The following F13B variants were observed in gnomAD, a reference collection of about 807,000 sequenced individuals.
F13B encodes TGase.
A neutral mutation model predicts 79.8 loss-of-function variants in F13B; 58 were observed. The observed-to-expected ratio is 0.73, with a 90% confidence interval of 0.59 to 0.90. F13B has a LOEUF of 0.90. F13B is among the 40% of genes least tolerant of loss of function. The pLI, the probability that F13B is intolerant of heterozygous loss-of-function variation, is 0.00. For missense variants in F13B, 773 were observed against 777.0 expected (o/e 0.99, Z 0.06); for synonymous variants, 283 against 260.3 (o/e 1.09, Z -0.84).
chr1:197,040,172 T>C (rs1571546416), intron 11 of F13B: 1 of 220,590 alleles, frequency 4.5e-6, no homozygotes, highest in Non-Finnish European at 9.0e-6. Flanking sequence ...TGCTTGAACT[T>C]ATATTGAGAA....
Position 197,039,289 on chromosome 1 carries a change from C to G in F13B, c.*89G>C, listed in dbSNP as rs17549873. The G allele has an allele frequency of 4.1e-3, 4,642 of 1,140,274 alleles. 89 individuals are homozygous for G. The African/African-American group carries it at 0.049, about 12-fold the overall frequency. 70.6% of individuals were successfully genotyped at this position (1,140,274 alleles called of 1,614,324 possible). A position where few individuals can be genotyped will look rare whatever the true frequency, so the allele number is the denominator to read the frequency against. On this transcript the variant is annotated 3_prime_UTR_variant, in exon 12 of 12. Coordinates refer to ENST00000367412, the MANE Select transcript of F13B (RefSeq NM_001994.3). ...CAAATATTTAAGCAAGGAAAAACTC[C>G]GAAGTTTTTAACTTATTTCCTCAAA...
chr1:197,044,990 C>G (rs1295840026), intron 10 of F13B, among the ~76,000 whole-genome samples: 2 of 152,112 alleles, frequency 1.3e-5, no homozygotes, highest in Admixed American at 6.6e-5. Flanking sequence ...ACCAGAATCT[C>G]TGGGACACAT....
At chr1:197,046,371 T>TA (rs1655230350) in intron 10 of F13B, among the ~76,000 whole-genome samples, 1 of 151,904 alleles carries the variant, frequency 6.6e-6, no homozygotes, top group Non-Finnish European at 1.5e-5. Flanking sequence ...ACATCAATAA[T>TA]AGACAAACAG....
intron 10 of F13B, among the ~76,000 whole-genome samples, chr1:197,045,035 A>C (rs1655177268): frequency 6.6e-6 from 1 of 152,190 alleles, no homozygotes; most frequent in Non-Finnish European, 1.5e-5. Flanking sequence ...TTATAGCACT[A>C]AATGCCCACA....
At position 197,049,332 on chromosome 1, in the gene F13B, G is replaced by A. The variant is rs17549720; in HGVS notation, c.1738+1365C>T. 6.4e-3 allele frequency among the ~76,000 whole-genome samples: 969 copies of A among 151,916 alleles called. 12 individuals are homozygous for A. The highest frequency in any genetic ancestry group is 0.022 in the African/African-American group (931 of 41,488). On this transcript the variant is annotated intron_variant, in intron 10 of 11. Transcript: ENST00000367412. The stretch of plus-strand genomic sequence containing the variant: ...CAACAAATGCAAATGTTGGTTTTTT[G>A]AAAACACTAATAAAATGTATAGACC...
intron 7 of F13B, among the ~76,000 whole-genome samples, chr1:197,056,600 CTACCCTAACTTTGCAGGACA>C (rs1320277821): frequency 6.6e-6 from 1 of 152,136 alleles, no homozygotes; most frequent in Non-Finnish European, 1.5e-5. Context: ...ACAGAATGCA[CTACCCTAACTTTGCAGGACA>C]TATGGGGAGA....
intron 10 of F13B, among the ~76,000 whole-genome samples, chr1:197,047,640 G>A (rs936950308): frequency 6.6e-6 from 1 of 152,002 alleles, no homozygotes; most frequent in South Asian, 2.1e-4. Flanking sequence ...CTCATTACTG[G>A]GTATATACCC....
chr1:197,057,553 C>A, intron 5 of F13B, 88 bp from the exon 6 acceptor site: 1 of 1,354,698 alleles, frequency 7.4e-7, no homozygotes, highest in Non-Finnish European at 1.0e-6. Flanking sequence ...TGTCAAGCAT[C>A]ATAGAGAGAA....
intron 1 of F13B, among the ~76,000 whole-genome samples, chr1:197,065,318 TTG>T (rs1258114991): frequency 7.2e-5 from 11 of 152,100 alleles, no homozygotes; most frequent in Admixed American, 2.0e-4. Context: ...CTGGAATGCC[TTG>T]GAGAATATGA....
chr1:197,062,838 A>G lies in F13B; in HGVS notation c.265+19T>C. 6.2e-7 allele frequency: 1 copy of G among 1,611,960 alleles called. No individual in the cohort carries two copies. The highest frequency in any genetic ancestry group is 8.5e-7 in the Non-Finnish European group (1 of 1,178,140). Reference sequence around the variant, plus strand: ...TCTTTGAGTATTGAAACATTGAGTGACATATCCAGCTGACTTACTGAAGCA... The same window carrying G: ...TCTTTGAGTATTGAAACATTGAGTGGCATATCCAGCTGACTTACTGAAGCA... On this transcript the variant is annotated intron_variant, in intron 2 of 11. Coordinates refer to ENST00000367412, the MANE Select transcript of F13B (RefSeq NM_001994.3).
At chr1:197,063,164 G>C in intron 1 of F13B, 107 bp from the exon 2 acceptor site, 1 of 897,504 alleles carries the variant, frequency 1.1e-6, no homozygotes, top group Non-Finnish European at 1.8e-6. Flanking sequence ...ACTTCAACTA[G>C]TACTTATTTT....
At chr1:197,064,790 A>T (rs991839545) in intron 1 of F13B, among the ~76,000 whole-genome samples, 2 of 152,184 alleles carry the variant, frequency 1.3e-5, no homozygotes, top group Non-Finnish European at 2.9e-5. Flanking sequence ...AAAGTCATAA[A>T]AACACTTAAA....
At chr1:197,052,103 C>T (rs17514324) in intron 9 of F13B, among the ~76,000 whole-genome samples, 46,088 of 152,050 alleles carry the variant, frequency 0.3, 8,809 homozygotes, top group Middle Eastern at 0.45. Context: ...TTGCCCATGC[C>T]TATGTCCTGA....
At chr1:197,041,046 G>A (rs1246723046) in intron 10 of F13B, among the ~76,000 whole-genome samples, 1 of 151,962 alleles carries the variant, frequency 6.6e-6, no homozygotes, top group African/African-American at 2.4e-5. Flanking sequence ...CAAACAAAAA[G>A]GTATTTGGGG....
At chr1:197,046,741 A>T (rs933922546) in intron 10 of F13B, among the ~76,000 whole-genome samples, 2 of 152,226 alleles carry the variant, frequency 1.3e-5, no homozygotes, top group Non-Finnish European at 2.9e-5. Flanking sequence ...TGGAGGCATC[A>T]GGCTACCTGA....
At position 197,045,190 on chromosome 1, in the gene F13B, A is replaced by T. The variant is rs557937353; in HGVS notation, c.1739-4455T>A. Reference sequence around the variant, plus strand: ...AACTGAAGGAAATAGAGACACAAAAAATCCCTTCAAAAAAATCAATGAATC... The same window carrying T: ...AACTGAAGGAAATAGAGACACAAAATATCCCTTCAAAAAAATCAATGAATC... On this transcript the variant is annotated intron_variant, in intron 10 of 11. Transcript: ENST00000367412. 2.6e-5 allele frequency among the ~76,000 whole-genome samples: 4 copies of T among 152,302 alleles called. No individual in the cohort carries two copies. The East Asian group carries it at 7.7e-4, about 29-fold the overall frequency.
At chr1:197,055,010 T>C (rs1469317139) in intron 8 of F13B, among the ~76,000 whole-genome samples, 6 of 152,072 alleles carry the variant, frequency 3.9e-5, no homozygotes, top group Admixed American at 2.6e-4. Flanking sequence ...TTAAATTACA[T>C]ATGTATATCT....
intron 10 of F13B, among the ~76,000 whole-genome samples, chr1:197,048,831 AAGT>A (rs17514355): frequency 0.77 from 116,163 of 151,660 alleles, 48,543 homozygotes; most frequent in East Asian, 0.98. Context: ...AACTTTTTTC[AAGT>A]ATGAAAAGAA....
Position 197,060,444 on chromosome 1 carries a change from C to T in F13B, c.727G>A (p.Glu243Lys). Residue 243 changes from glutamate to lysine, a missense_variant, in exon 5 of 12, where the codon GAA becomes AAA. Transcript: ENST00000367412. ...EGDVVQFFCH[E>K]NYYLSGSDLI... ...TCAGATCCACTTAGATAATAATTTT[C>T]ATGACAGAAAAACTGAACGACATCT... is the stretch of plus-strand genomic sequence containing the variant. The T allele has an allele frequency of 6.2e-7, 1 of 1,611,104 alleles. No individual in the cohort carries two copies. Among genetic ancestry groups the T allele is most frequent in the East Asian group, 2.2e-5 (1 of 44,696 alleles).
Sources: gnomAD v4.1 joint callset for allele counts (sites outside exome capture counted in the v4.1 genomes callset) on GRCh38, gnomAD v4.1.1 for gene constraint, MANE v1.5 for transcripts, NCBI Gene and HGNC (gene_info 2026-07-23, HGNC 2026-07-21) for gene names.